The following KLRG1 variants were observed in gnomAD, a reference collection of about 807,000 sequenced individuals.
KLRG1 encodes the protein killer cell lectin-like receptor subfamily G member 1.
Under a neutral mutation model 21.8 loss-of-function variants are expected in KLRG1, and 16 were observed. The ratio of observed to expected loss-of-function variants is 0.73; its 90% CI spans 0.50 to 1.11. The LOEUF (loss-of-function observed/expected upper bound fraction) is 1.11. Among genes scored for constraint, KLRG1 ranks in the 50% most tolerant of loss-of-function variants. The pLI, the probability that KLRG1 is intolerant of heterozygous loss-of-function variation, is 0.00. For missense variants in KLRG1, 173 were observed against 218.3 expected (o/e 0.79, Z 1.31); for synonymous variants, 69 against 75.9 (o/e 0.91, Z 0.47).
chr12:9,090,588 C>A, the KLRG1 span: 1 of 1,194,100 alleles, frequency 8.4e-7, no homozygotes, highest in South Asian at 1.5e-5. Flanking sequence ...GGTTGCCTCA[C>A]ATTAAAGATG....
the KLRG1 span, chr12:9,113,538 T>C: frequency 1.2e-6 from 2 of 1,613,578 alleles, no homozygotes; most frequent in Non-Finnish European, 1.7e-6. Context: ...CAGAACCATA[T>C]ACTGCCTGGG....
rs61916507 is a variant in KLRG1 at position 8,955,767 on chromosome 12, G to A, written c.-156+5531G>A. 6.6e-3 allele frequency among the ~76,000 whole-genome samples: 1,008 copies of A among 152,118 alleles called. 6 individuals carry two copies. Among genetic ancestry groups the A allele is most frequent in the Non-Finnish European group, 9.9e-3 (674 of 67,990 alleles). ...AACTTAGTATAAATGGACAGATACT[G>A]ATAGTGGTGGGAAGCAGACAAATTC... On this transcript the variant is annotated intron_variant, in intron 1 of 4. Coordinates refer to the KLRG1 transcript ENST00000539240.
At chr12:9,208,499 A>C in the KLRG1 span, 1 of 586,892 alleles carries the variant, frequency 1.7e-6, no homozygotes, top group Non-Finnish European at 3.1e-6. Flanking sequence ...GATTCCCTAA[A>C]AGGGTCATTA....
the KLRG1 span, among the ~76,000 whole-genome samples, chr12:9,071,748 C>T: frequency 6.6e-6 from 1 of 152,322 alleles, no homozygotes; most frequent in South Asian, 2.1e-4. Flanking sequence ...CCATCTCCAT[C>T]CATGTTCCTG....
At chr12:9,066,350 G>C in the KLRG1 span, 1 of 152,526 alleles carries the variant, frequency 6.6e-6, no homozygotes, top group African/African-American at 2.4e-5. Context: ...GCCACTGTTG[G>C]AAGCTGCTTG....
intron 1 of KLRG1, among the ~76,000 whole-genome samples, chr12:8,979,293 C>A (rs1009984601): frequency 1.3e-5 from 2 of 152,172 alleles, no homozygotes; most frequent in African/African-American, 4.8e-5. Context: ...GCTGGGATTA[C>A]AGGTGTGAGA....
At chr12:9,147,046 A>T in the KLRG1 span, among the ~76,000 whole-genome samples, 1 of 152,198 alleles carries the variant, frequency 6.6e-6, no homozygotes, top group African/African-American at 2.4e-5. Context: ...GTGGGGCTAG[A>T]CTGTGCAGAC....
intron 3 of KLRG1, among the ~76,000 whole-genome samples, chr12:8,997,252 T>C (rs1029863238): frequency 1.3e-5 from 2 of 152,242 alleles, no homozygotes; most frequent in Admixed American, 6.5e-5. Flanking sequence ...GGAATGTCCC[T>C]GCTAGATGTC....
downstream of KLRG1, among the ~76,000 whole-genome samples, chr12:9,013,807 T>C (rs1025596023): frequency 2.6e-5 from 4 of 152,130 alleles, no homozygotes; most frequent in African/African-American, 9.7e-5. Context: ...GTGGGAGCTA[T>C]AATTCAAGAT....
At chr12:9,197,632 ATATATTATAT>A in the KLRG1 span, among the ~76,000 whole-genome samples, 184 of 71,410 alleles carry the variant, frequency 2.6e-3, 20 homozygotes, top group African/African-American at 8.4e-3. Context: ...ATATTATATT[ATATATTATAT>A]TATATAATAT....
At chr12:9,194,165 T>A in the KLRG1 span, 1 of 1,613,938 alleles carries the variant, frequency 6.2e-7, no homozygotes, top group Non-Finnish European at 8.5e-7. Context: ...ATTGGAGTAA[T>A]AATTGGCGTC....
the KLRG1 span, among the ~76,000 whole-genome samples, chr12:9,092,311 C>A: frequency 6.6e-6 from 1 of 152,154 alleles, no homozygotes. Context: ...TCACCTAGCT[C>A]CAGGAGTAGA....
At chr12:9,176,421 C>A in the KLRG1 span, among the ~76,000 whole-genome samples, 1 of 152,042 alleles carries the variant, frequency 6.6e-6, no homozygotes, top group Non-Finnish European at 1.5e-5. Flanking sequence ...ATGTAACAAC[C>A]CTTCACATTC....
chr12:9,113,414 G>A, the KLRG1 span: 1 of 1,613,722 alleles, frequency 6.2e-7, no homozygotes, highest in Non-Finnish European at 8.5e-7. Flanking sequence ...CAGTGAAGAG[G>A]CTCCTGTTTC....
the KLRG1 span, chr12:9,057,927 G>A: frequency 6.6e-6 from 1 of 152,102 alleles, no homozygotes; most frequent in Non-Finnish European, 1.5e-5. Context: ...CTTGAGCAGA[G>A]GCTCCCAAAA....
chr12:9,145,220 A>G, the KLRG1 span, among the ~76,000 whole-genome samples: 1 of 152,018 alleles, frequency 6.6e-6, no homozygotes, highest in Non-Finnish European at 1.5e-5. Context: ...TAGTTGTTTT[A>G]TGTTAGCCTT....
At chr12:9,050,347 T>C in the KLRG1 span, among the ~76,000 whole-genome samples, 8 of 152,368 alleles carry the variant, frequency 5.3e-5, no homozygotes, top group African/African-American at 1.9e-4. Context: ...AAATCTGATC[T>C]TGCCGCTGTG....
At chr12:9,047,227 T>G in the KLRG1 span, among the ~76,000 whole-genome samples, 1 of 152,200 alleles carries the variant, frequency 6.6e-6, no homozygotes, top group Non-Finnish European at 1.5e-5. Flanking sequence ...ATATTATTAG[T>G]AGCAATAAAA....
the KLRG1 span, among the ~76,000 whole-genome samples, chr12:9,021,403 C>T: frequency 9.4e-5 from 13 of 137,786 alleles, no homozygotes; most frequent in Admixed American, 7.3e-4. Context: ...CTTTTTTACT[C>T]TTTTTTTTTT....
Sources: allele counts gnomAD v4.1 joint callset (sites outside exome capture counted in the v4.1 genomes callset), GRCh38; gene constraint gnomAD v4.1.1; transcripts MANE v1.5; gene names NCBI Gene and HGNC (gene_info 2026-07-23, HGNC 2026-07-21).